Variants in AGFG1 observed in about 807,000 individuals in gnomAD.
AGFG1 encodes ArfGAP with FG repeats 1.
Under a neutral mutation model 60.6 loss-of-function variants are expected in AGFG1, and 10 were observed. The observed-to-expected ratio is 0.16, with a 90% confidence interval of 0.10 to 0.28. The LOEUF (loss-of-function observed/expected upper bound fraction) is 0.28, where lower values mean the gene tolerates loss of function less well. Among genes scored for constraint, AGFG1 ranks in the 10% least tolerant of loss-of-function variants. The probability of loss-of-function intolerance (pLI) is 1.00; values close to 1 mark genes in which losing one functional copy is unlikely to be tolerated. For missense variants in AGFG1, 537 were observed against 676.5 expected (o/e 0.79, Z 2.29); for synonymous variants, 247 against 242.9 (o/e 1.02, Z -0.16).
chr2:227,548,877 C>G (rs913475308), intron 10 of AGFG1, among the ~76,000 whole-genome samples: 2 of 151,994 alleles, frequency 1.3e-5, no homozygotes, highest in African/African-American at 2.4e-5. Flanking sequence ...GTGGAGCTTG[C>G]AGTGAGCCGA....
chr2:227,533,164 G>C (rs990190119), intron 6 of AGFG1, among the ~76,000 whole-genome samples: 1 of 152,156 alleles, frequency 6.6e-6, no homozygotes, highest in African/African-American at 2.4e-5. Flanking sequence ...ACAAAAGTTT[G>C]AAATCCTCCT....
chr2:227,474,443 C>A (rs1043210635), intron 1 of AGFG1, among the ~76,000 whole-genome samples: 2 of 152,168 alleles, frequency 1.3e-5, no homozygotes, highest in African/African-American at 4.8e-5. Context: ...TTCCTAGATA[C>A]CACATTTCAG....
chr2:227,525,404 A>G (rs1036298194), intron 5 of AGFG1, among the ~76,000 whole-genome samples: 2 of 152,206 alleles, frequency 1.3e-5, no homozygotes, highest in Non-Finnish European at 2.9e-5. Context: ...AATAGTAGTA[A>G]TAATAATTCA....
chr2:227,488,166 A>G (rs920250720), intron 1 of AGFG1, among the ~76,000 whole-genome samples: 2 of 152,206 alleles, frequency 1.3e-5, no homozygotes, highest in Non-Finnish European at 2.9e-5. Flanking sequence ...TGTCCTTTCC[A>G]CATTTGGTTA....
intron 2 of AGFG1, among the ~76,000 whole-genome samples, chr2:227,507,843 A>T (rs1407668194): frequency 6.6e-6 from 1 of 152,032 alleles, no homozygotes; most frequent in Non-Finnish European, 1.5e-5. Flanking sequence ...GGTTTTTTTT[A>T]AATTACTATG....
chr2:227,517,297 C>T (rs915053683), intron 2 of AGFG1, among the ~76,000 whole-genome samples: 8 of 152,314 alleles, frequency 5.3e-5, no homozygotes, highest in Admixed American at 5.2e-4. Flanking sequence ...CACGGAGTCT[C>T]ACTCTGTCAT....
intron 1 of AGFG1, among the ~76,000 whole-genome samples, chr2:227,480,911 T>TATTG (rs1690439105): frequency 6.6e-6 from 1 of 152,228 alleles, no homozygotes; most frequent in Non-Finnish European, 1.5e-5. Context: ...ACTTTCAATA[T>TATTG]ATTGCTTAGT....
chr2:227,506,723 A>G (rs1028950582), intron 2 of AGFG1, among the ~76,000 whole-genome samples: 9 of 150,974 alleles, frequency 6.0e-5, no homozygotes, highest in African/African-American at 2.2e-4. Flanking sequence ...TTTTGCCACT[A>G]CTGGTGGAAA....
intron 2 of AGFG1, among the ~76,000 whole-genome samples, chr2:227,519,663 A>AAT (rs1691770202): frequency 6.6e-6 from 1 of 152,176 alleles, no homozygotes; most frequent in Admixed American, 6.5e-5. Flanking sequence ...TGACTTTGCT[A>AAT]ATGGTGAAGT....
At chr2:227,548,610 C>T (rs527531875) in intron 10 of AGFG1, among the ~76,000 whole-genome samples, 3 of 152,278 alleles carry the variant, frequency 2.0e-5, no homozygotes, top group East Asian at 3.9e-4. Flanking sequence ...GTCATTAATG[C>T]AAGACTGCTC....
intron 2 of AGFG1, among the ~76,000 whole-genome samples, chr2:227,503,349 GT>G (rs1374266956): frequency 1.3e-5 from 2 of 151,898 alleles, no homozygotes; most frequent in Non-Finnish European, 2.9e-5. Context: ...CTGTCTTTTG[GT>G]TACTCTGCTT....
chr2:227,536,975 A>G lies in AGFG1; in HGVS notation c.1360A>G (p.Asn454Asp). Residue 454 changes from asparagine (N) to aspartate (D), a missense_variant, in exon 10 of 13, where the codon AAT (asparagine) becomes GAT (aspartate). Asn to Asp is a conservative substitution (Grantham distance 23, BLOSUM62 1). Around this residue, in one of 4 missense-constraint regions of AGFG1, gnomAD observed 287 missense variants for 343.6 expected, o/e 0.84. Coordinates refer to ENST00000310078, the MANE Select transcript of AGFG1 (RefSeq NM_004504.5). ...ATCTTCTACAAACCCATTTCAGACCAATGCCAGAGGAGCAACAGGTAAGAA... is the reference window on the plus strand; with the variant it reads ...ATCTTCTACAAACCCATTTCAGACCGATGCCAGAGGAGCAACAGGTAAGAA... ...VASSTNPFQTNARGATAATFG... is the reference protein window; with the variant it reads ...VASSTNPFQTDARGATAATFG... The G allele has an allele frequency of 6.2e-7, 1 of 1,612,830 alleles. No homozygotes were observed.
Position 227,551,984 on chromosome 2 carries a change from G to T in AGFG1, c.1404G>T (p.Met468Ile), listed in dbSNP as rs150926349. 6.2e-7 allele frequency: 1 copy of T among 1,614,114 alleles called. No individual in the cohort carries two copies. The highest frequency in any genetic ancestry group is 8.5e-7 in the Non-Finnish European group (1 of 1,180,004). ...ATAATFGTASMSMPTGFGTPA... is the reference protein window; with the variant it reads ...ATAATFGTASISMPTGFGTPA... ...CGGCAACCTTTGGCACTGCATCCAT[G>T]AGCATGCCCACAGGATTCGGCACTC... is the stretch of plus-strand genomic sequence containing the variant. The change falls in exon 11 of 13, where the codon ATG (methionine) becomes ATT (isoleucine). Residue 468 changes from methionine to isoleucine, a missense_variant. Met to Ile is a conservative substitution (Grantham distance 10, BLOSUM62 1). Coordinates refer to ENST00000310078, the MANE Select transcript of AGFG1 (RefSeq NM_004504.5).
At chr2:227,553,879 G>T (rs1692894139) in intron 12 of AGFG1, 84 bp downstream of exon 12, 3 of 1,020,592 alleles carry the variant, frequency 2.9e-6, no homozygotes, top group Non-Finnish European at 4.4e-6. Context: ...AATATTCCTA[G>T]ATGGTATTTG....
chr2:227,531,277 T>TG, intron 6 of AGFG1, 67 bp downstream of exon 6: 3 of 1,543,260 alleles, frequency 1.9e-6, no homozygotes, highest in Non-Finnish European at 2.6e-6. Context: ...AATGTAGTTT[T>TG]GAAAAATTAG....
intron 1 of AGFG1, among the ~76,000 whole-genome samples, chr2:227,474,887 T>C (rs1213840524): frequency 6.6e-6 from 1 of 152,230 alleles, no homozygotes; most frequent in East Asian, 1.9e-4. Context: ...ATTTTTCTCT[T>C]ATATGAAACA....
intron 2 of AGFG1, among the ~76,000 whole-genome samples, chr2:227,512,310 A>G (rs1211815775): frequency 6.6e-6 from 1 of 152,166 alleles, no homozygotes; most frequent in Non-Finnish European, 1.5e-5. Flanking sequence ...TAAATGCAAA[A>G]CCATCAGTTT....
chr2:227,505,866 T>C (rs975047528), intron 2 of AGFG1, among the ~76,000 whole-genome samples: 1 of 152,084 alleles, frequency 6.6e-6, no homozygotes, highest in African/African-American at 2.4e-5. Context: ...GCCTCCCGAG[T>C]AGCTGGGATT....
intron 6 of AGFG1, chr2:227,532,104 A>C: frequency 2.0e-6 from 3 of 1,494,750 alleles, no homozygotes; most frequent in Non-Finnish European, 2.7e-6. Context: ...TTTTTCTTTA[A>C]CTTTCATCAT....
Sources: allele counts gnomAD v4.1 joint callset (sites outside exome capture counted in the v4.1 genomes callset), GRCh38; gene constraint gnomAD v4.1.1; regional missense constraint gnomAD v4.1.1; transcripts MANE v1.5; gene names NCBI Gene and HGNC (gene_info 2026-07-23, HGNC 2026-07-21).